SRPK2: variants seen among roughly 807,000 people sequenced by gnomAD.
The protein encoded by SRPK2 is SRSF protein kinase 2.
SRPK2 carries 21 observed loss-of-function variants against 90.8 expected under a neutral mutation model. That is an observed-to-expected ratio of 0.23 (90% CI 0.16 to 0.33). SRPK2 has a LOEUF of 0.33. Among genes scored for constraint, SRPK2 ranks in the 10% least tolerant of loss-of-function variants. SRPK2 has a pLI of 1.00. For synonymous variants in SRPK2, 288 were observed against 311.1 expected (o/e 0.93, Z 0.78); for missense variants, 620 against 869.0 (o/e 0.71, Z 3.60).
At position 105,313,727 on chromosome 7, in the gene SRPK2, G is replaced by C. The variant is rs1452275250; in HGVS notation, c.71+74921C>G. ...GATTGCACCACTGCACTCCAGCCTG[G>C]ACAACAGAGCGAGACTCTGTCTCAA... On this transcript the variant is annotated intron_variant, in intron 2 of 15. Transcript: ENST00000393651. 3.3e-5 allele frequency among the ~76,000 whole-genome samples: 5 copies of C among 152,110 alleles called. No individual in the cohort carries two copies. The East Asian group carries it at 9.6e-4, about 29-fold the overall frequency.
chr7:105,158,049 A>G (rs889671287), intron 7 of SRPK2, among the ~76,000 whole-genome samples: 2 of 152,198 alleles, frequency 1.3e-5, no homozygotes, highest in African/African-American at 4.8e-5. Flanking sequence ...TGGGTAACAG[A>G]GGAAGACCCT....
At chr7:105,125,868 A>G in intron 15 of SRPK2, 9 of 1,300,204 alleles carry the variant, frequency 6.9e-6, no homozygotes, top group African/African-American at 1.5e-5. Flanking sequence ...GATCAATGCT[A>G]TGTGATCTGC....
In SRPK2 at chr7:105,388,592, G is replaced by C. The variant is rs1414996471; in HGVS notation, c.71+56C>G. ...GGACAACTTTCCCCTGCGCGGCCGC[G>C]GGCGCCCCCGACGGGGCGGGGGTGG... On this transcript the variant is annotated intron_variant, in intron 2 of 15. Coordinates refer to ENST00000393651, the MANE Select transcript of SRPK2 (RefSeq NM_182692.3). 5 of 1,500,950 alleles carry C rather than the reference G, an allele frequency of 3.3e-6. No individual in the cohort carries two copies. In the East Asian group the frequency reaches 7.9e-5, roughly 24 times the overall value. 93.0% of individuals were successfully genotyped at this position (1,500,950 alleles called of 1,614,324 possible). A position where few individuals can be genotyped will look rare whatever the true frequency, so the allele number is the denominator to read the frequency against.
intron 2 of SRPK2, among the ~76,000 whole-genome samples, chr7:105,280,047 T>G (rs75275521): frequency 0.014 from 2,111 of 152,292 alleles, 50 homozygotes; most frequent in African/African-American, 0.048. Flanking sequence ...TTTATAATCT[T>G]AAGAGACAGT....
At chr7:105,248,561 C>T (rs1585350385) in intron 2 of SRPK2, among the ~76,000 whole-genome samples, 1 of 151,792 alleles carries the variant, frequency 6.6e-6, no homozygotes, top group African/African-American at 2.4e-5. Context: ...TATGATCATA[C>T]CACTACACTC....
chr7:105,375,979 A>ATTT (rs1585959171), intron 2 of SRPK2, among the ~76,000 whole-genome samples: 22 of 42,796 alleles, frequency 5.1e-4, no homozygotes, highest in South Asian at 2.5e-3. Flanking sequence ...ATGAGAATTC[A>ATTT]TTTCTTTTTT....
chr7:105,236,087 C>T (rs1042431146), intron 2 of SRPK2, among the ~76,000 whole-genome samples: 1 of 152,202 alleles, frequency 6.6e-6, no homozygotes, highest in Non-Finnish European at 1.5e-5. Flanking sequence ...TGCTGGGTTC[C>T]ATCCCTGTGT....
intron 2 of SRPK2, among the ~76,000 whole-genome samples, chr7:105,282,206 A>C (rs994790534): frequency 6.6e-6 from 1 of 152,184 alleles, no homozygotes; most frequent in Non-Finnish European, 1.5e-5. Flanking sequence ...GGGTGCCAAG[A>C]CCATCTAATG....
At chr7:105,372,067 G>C (rs903870219) in intron 2 of SRPK2, among the ~76,000 whole-genome samples, 1 of 151,208 alleles carries the variant, frequency 6.6e-6, no homozygotes, top group Non-Finnish European at 1.5e-5. Context: ...CCCGGAAGGC[G>C]GAGGCCGCAG....
chr7:105,391,078 G>T (rs896810672), upstream of SRPK2, among the ~76,000 whole-genome samples: 3 of 152,240 alleles, frequency 2.0e-5, no homozygotes, highest in South Asian at 6.2e-4. Flanking sequence ...ACATGCAAAT[G>T]ACCAAACTAG....
At position 105,345,938 on chromosome 7, in the gene SRPK2, A is replaced by T. The variant is rs1816399062; in HGVS notation, c.71+42710T>A. Among the ~76,000 whole-genome samples, 6 of 152,266 alleles carry T rather than the reference A, an allele frequency of 3.9e-5. 1 individual carries two copies. In the South Asian group the frequency reaches 1.2e-3, roughly 31 times the overall value. On this transcript the variant is annotated intron_variant, in intron 2 of 15. Coordinates refer to ENST00000393651, the MANE Select transcript of SRPK2 (RefSeq NM_182692.3). ...GACATCACAGATACAGAATGTTTCC[A>T]TAATCACAGAAAGTTCTGTTCGGTA...
At chr7:105,385,093 C>T (rs1356888587) in intron 2 of SRPK2, among the ~76,000 whole-genome samples, 33 of 146,364 alleles carry the variant, frequency 2.3e-4, no homozygotes, top group South Asian at 8.8e-4. Flanking sequence ...AGGATGGTCT[C>T]GATCTCCTGA....
intron 11 of SRPK2, among the ~76,000 whole-genome samples, chr7:105,140,443 A>C (rs1192838369): frequency 6.6e-6 from 1 of 151,922 alleles, no homozygotes; most frequent in East Asian, 1.9e-4. Flanking sequence ...TATACTAAAA[A>C]TATAAAAATT....
chr7:105,341,409 A>G (rs537585202), intron 2 of SRPK2, among the ~76,000 whole-genome samples: 1 of 149,106 alleles, frequency 6.7e-6, no homozygotes, highest in African/African-American at 2.5e-5. Context: ...CGCATACCTC[A>G]TGCCTGTAAT....
intron 2 of SRPK2, among the ~76,000 whole-genome samples, chr7:105,252,736 CT>C (rs796434008): frequency 0.073 from 9,215 of 126,828 alleles, 982 homozygotes; most frequent in African/African-American, 0.24. Context: ...TCTTTCTTTT[CT>C]TTTTTTTTTC....
chr7:105,388,999 C>A, upstream of SRPK2: 1 of 1,020,056 alleles, frequency 9.8e-7, no homozygotes, highest in Non-Finnish European at 1.2e-6. Context: ...CGCCCCGCCC[C>A]CACCCGCCGG....
chr7:105,215,350 C>T (rs1439972961), intron 2 of SRPK2, among the ~76,000 whole-genome samples: 2 of 151,990 alleles, frequency 1.3e-5, no homozygotes, highest in Non-Finnish European at 2.9e-5. Flanking sequence ...GATAACGAGA[C>T]GTCAGTGACG....
rs1279341057 is a variant in SRPK2 at position 105,146,656 on chromosome 7, G to A, written c.624C>T (p.Val208=). ...VRCVKSIIRQ[V]LQGLDYLHSK... ...TGTGTAAGTAATCTAACCCTTGAAG[G>A]ACCTGGATATAGTAAAATCAAGAGA... Residue 208 remains valine, a splice_region_variant and synonymous_variant, in exon 8 of 16, where the codon GTC becomes GTT. Coordinates refer to ENST00000393651, the MANE Select transcript of SRPK2 (RefSeq NM_182692.3). 3.7e-6 allele frequency: 6 copies of A among 1,613,996 alleles called. No individual in the cohort carries two copies. The highest frequency in any genetic ancestry group is 5.1e-6 in the Non-Finnish European group (6 of 1,179,926).
At chr7:105,306,286 A>G (rs1811133970) in intron 2 of SRPK2, 3 of 281,708 alleles carry the variant, frequency 1.1e-5, no homozygotes, top group African/African-American at 6.7e-5. Flanking sequence ...TTTTCAGTGC[A>G]CTGGGCTTCT....
Sources: allele counts gnomAD v4.1 joint callset (sites outside exome capture counted in the v4.1 genomes callset), GRCh38; gene constraint gnomAD v4.1.1; transcripts MANE v1.5; gene names NCBI Gene and HGNC (gene_info 2026-07-23, HGNC 2026-07-21).